GPHN: variants seen among roughly 807,000 people sequenced by gnomAD.
GPHN encodes gephyrin.
GPHN carries 17 observed loss-of-function variants against 95.5 expected under a neutral mutation model. The observed-to-expected ratio is 0.18, with a 90% CI of 0.12 to 0.27. The LOEUF is 0.27. Ranked by LOEUF, GPHN falls within the 10% of genes least tolerant of loss-of-function variation. GPHN has a pLI of 1.00. For synonymous variants in GPHN, 320 were observed against 322.5 expected, an observed-to-expected ratio of 0.99 and a Z score of 0.08; for missense variants, 660 against 978.1, an observed-to-expected ratio of 0.67 and a Z score of 4.34.
chr14:66,637,761 GT>G (rs1486928748), intron 1 of GPHN, among the ~76,000 whole-genome samples: 2 of 152,102 alleles, frequency 1.3e-5, no homozygotes, highest in Non-Finnish European at 2.9e-5. Flanking sequence ...ATGGGAGCAT[GT>G]TTAAATACAG....
chr14:67,549,985 T>A, the GPHN span, among the ~76,000 whole-genome samples: 1 of 152,280 alleles, frequency 6.6e-6, no homozygotes, highest in East Asian at 1.9e-4. Context: ...CATTCACCTG[T>A]CTTTCTAGTG....
intron 12 of GPHN, among the ~76,000 whole-genome samples, chr14:67,090,814 G>A (rs1307031626): frequency 1.3e-5 from 2 of 152,042 alleles, no homozygotes; most frequent in South Asian, 4.1e-4. Context: ...ACTTTGAGCA[G>A]CTCACTTAAA....
the GPHN span, among the ~76,000 whole-genome samples, chr14:67,367,802 C>G: frequency 4.6e-5 from 7 of 151,666 alleles, 2 homozygotes; most frequent in Middle Eastern, 3.4e-3. Context: ...CACCGCTGCA[C>G]TCCAACCTGG....
At chr14:67,340,235 G>A in the GPHN span, 2 of 490,442 alleles carry the variant, frequency 4.1e-6, no homozygotes, top group East Asian at 3.2e-5. Flanking sequence ...CTAAGTTTTT[G>A]GAAATGCCAT....
the GPHN span, among the ~76,000 whole-genome samples, chr14:67,210,957 A>G: frequency 1.3e-5 from 2 of 152,058 alleles, no homozygotes; most frequent in Non-Finnish European, 2.9e-5. Context: ...CTGAGATTGC[A>G]CCACTGCACT....
the GPHN span, among the ~76,000 whole-genome samples, chr14:67,707,098 T>C: frequency 2.0e-5 from 3 of 152,340 alleles, no homozygotes; most frequent in South Asian, 6.2e-4. Context: ...GAAGTTTAAG[T>C]TGTCTAGCTT....
At chr14:67,496,410 T>G in the GPHN span, among the ~76,000 whole-genome samples, 5 of 133,752 alleles carry the variant, frequency 3.7e-5, no homozygotes, top group South Asian at 1.4e-3. Context: ...TTTTTTTTTT[T>G]TTTTTTTTTT....
intron 10 of GPHN, among the ~76,000 whole-genome samples, chr14:67,034,551 G>T (rs961960284): frequency 2.0e-5 from 3 of 152,062 alleles, no homozygotes; most frequent in African/African-American, 7.2e-5. Flanking sequence ...AGAGACTCAT[G>T]CTAGATGTAA....
chr14:66,837,504 T>G, intron 4 of GPHN, among the ~76,000 whole-genome samples: 1 of 145,968 alleles, frequency 6.9e-6, no homozygotes, highest in Non-Finnish European at 1.5e-5. Context: ...AGATGACGAG[T>G]TAGTGGGTGC....
At chr14:67,393,646 G>T in the GPHN span, among the ~76,000 whole-genome samples, 1 of 152,030 alleles carries the variant, frequency 6.6e-6, no homozygotes, top group Non-Finnish European at 1.5e-5. Context: ...TAGAGATGGG[G>T]TTTCACCATG....
intron 1 of GPHN, among the ~76,000 whole-genome samples, chr14:66,584,566 A>G (rs1228324548): frequency 2.6e-5 from 4 of 152,150 alleles, no homozygotes; most frequent in African/African-American, 7.2e-5. Context: ...TGTCCCATCA[A>G]TATCTAATTT....
intron 5 of GPHN, among the ~76,000 whole-genome samples, chr14:66,901,872 T>C (rs957707945): frequency 1.6e-4 from 25 of 152,056 alleles, no homozygotes; most frequent in Admixed American, 1.5e-3. Flanking sequence ...TCTTTTGTGG[T>C]TCCATATGAA....
At chr14:66,553,243 G>A (rs891567167) in intron 1 of GPHN, among the ~76,000 whole-genome samples, 17 of 152,036 alleles carry the variant, frequency 1.1e-4, no homozygotes, top group African/African-American at 2.4e-4. Flanking sequence ...TGCCCGCCTC[G>A]GCCTCTCAAA....
intron 8 of GPHN, among the ~76,000 whole-genome samples, chr14:66,964,959 A>G (rs1338924670): frequency 1.3e-5 from 2 of 152,138 alleles, no homozygotes; most frequent in African/African-American, 2.4e-5. Flanking sequence ...CCACAATACT[A>G]TACTGCCTCT....
intron 1 of GPHN, among the ~76,000 whole-genome samples, chr14:66,563,818 T>G (rs1292026429): frequency 6.6e-6 from 1 of 152,210 alleles, no homozygotes; most frequent in Admixed American, 6.5e-5. Context: ...GCATTTCCAT[T>G]CACTGGATGC....
chr14:66,989,655 GAAAA>G lies in GPHN; in HGVS notation c.963+24345_963+24348del, dbSNP rs34801654. Among the ~76,000 whole-genome samples, 239 of 111,474 alleles carry G rather than the reference GAAAA, an allele frequency of 2.1e-3. 1 individual carries two copies. Among genetic ancestry groups the G allele is most frequent in the Admixed American group, 6.1e-3 (69 of 11,394 alleles). The allele number at this position is 111,474 out of a possible 152,430, so 73.1% of individuals were successfully genotyped here. A position where few individuals can be genotyped will look rare whatever the true frequency, so the allele number is the denominator to read the frequency against. On this transcript the variant is annotated intron_variant, in intron 9 of 22. Transcript: ENST00000478722. The stretch of plus-strand genomic sequence containing the variant: ...AGGATCCTGTTAACTGTCCAATATA[GAAAA>G]AAAAAAAAAAAAAACCTATCCAAAG...
chr14:67,642,678 T>C, the GPHN span, among the ~76,000 whole-genome samples: 4 of 152,232 alleles, frequency 2.6e-5, no homozygotes, highest in South Asian at 2.1e-4. Context: ...TTGAGACTTA[T>C]CTTATGACTT....
At chr14:67,183,398 C>T (rs7156119), downstream of GPHN, among the ~76,000 whole-genome samples, 47,969 of 151,922 alleles carry the variant, frequency 0.32, 11,794 homozygotes, top group African/African-American at 0.67. Context: ...TACATATGTT[C>T]AATTTTCACA....
intron 17 of GPHN, among the ~76,000 whole-genome samples, chr14:67,128,734 A>C (rs1225848487): frequency 2.0e-5 from 3 of 152,004 alleles, no homozygotes; most frequent in African/African-American, 7.2e-5. Context: ...CAGGAGTTCA[A>C]GATCAGCCTG....
Sources: allele counts gnomAD v4.1 joint callset (sites outside exome capture counted in the v4.1 genomes callset), GRCh38; gene constraint gnomAD v4.1.1; transcripts MANE v1.5; gene names NCBI Gene and HGNC (gene_info 2026-07-23, HGNC 2026-07-21).